CHD1L: variants seen among roughly 807,000 people sequenced by gnomAD.
CHD1L encodes ATP-dependent chromatin remodeler CHD1L.
Under a neutral mutation model 115.9 loss-of-function variants are expected in CHD1L, and 118 were observed. That is an observed-to-expected ratio of 1.02 (90% CI 0.88 to 1.19). The LOEUF (loss-of-function observed/expected upper bound fraction) is 1.19, where lower values mean the gene tolerates loss of function less well. CHD1L is among the 50% of genes most tolerant of loss of function. The probability of loss-of-function intolerance (pLI) is 0.00; values close to 1 mark genes in which losing one functional copy is unlikely to be tolerated. For missense variants in CHD1L, 1,179 were observed against 1,065.3 expected, an observed-to-expected ratio of 1.11 and a Z score of -1.49; for synonymous variants, 411 against 387.1, an observed-to-expected ratio of 1.06 and a Z score of -0.72.
intron 1 of CHD1L, among the ~76,000 whole-genome samples, chr1:147,245,722 C>T (rs1309832916): frequency 6.8e-6 from 1 of 147,532 alleles, no homozygotes; most frequent in Non-Finnish European, 1.5e-5. Flanking sequence ...GATAAGGTCT[C>T]ACTCTGTTGC....
intron 12 of CHD1L, 25 bp from the exon 13 acceptor site, chr1:147,275,329 A>T: frequency 6.5e-7 from 1 of 1,548,622 alleles, no homozygotes; most frequent in Non-Finnish European, 8.9e-7. Flanking sequence ...GCTGCTGATT[A>T]CATTCCTTTT....
chr1:147,201,176 G>A, the CHD1L span: 176 of 1,613,268 alleles, frequency 1.1e-4, 4 homozygotes, highest in East Asian at 9.4e-4. Context: ...GTGGCCCAGC[G>A]TCCTTGGAGC....
the CHD1L span, chr1:147,224,109 G>A: frequency 1.4e-5 from 5 of 356,050 alleles, no homozygotes; most frequent in Non-Finnish European, 2.2e-5. Flanking sequence ...ATTATCAAGG[G>A]TGAGGTAAGA....
intron 6 of CHD1L, among the ~76,000 whole-genome samples, chr1:147,263,872 A>G (rs1406433412): frequency 2.0e-5 from 3 of 152,068 alleles, no homozygotes; most frequent in Non-Finnish European, 4.4e-5. Context: ...TTTTCCATTT[A>G]AGATTCTCTG....
chr1:147,279,518 A>G (rs2102811281), intron 14 of CHD1L, among the ~76,000 whole-genome samples: 1 of 152,316 alleles, frequency 6.6e-6, no homozygotes, highest in Admixed American at 6.5e-5. Context: ...GATCTTTGCC[A>G]AGGTGGTTTC....
the CHD1L span, chr1:147,178,962 A>G: frequency 6.2e-7 from 1 of 1,612,486 alleles, no homozygotes; most frequent in African/African-American, 1.3e-5. Context: ...GAAACAGGGT[A>G]ATGATGGTGG....
intron 20 of CHD1L, among the ~76,000 whole-genome samples, chr1:147,292,804 T>C (rs1686051860): frequency 6.6e-6 from 1 of 152,104 alleles, no homozygotes; most frequent in African/African-American, 2.4e-5. Context: ...TCACCAAGGG[T>C]ATGGCATTAA....
At chr1:147,259,655 C>T in intron 5 of CHD1L, 182 bp from the exon 6 acceptor site, 7 of 519,276 alleles carry the variant, frequency 1.3e-5, no homozygotes, top group East Asian at 5.9e-5. Context: ...GTTTTACTAC[C>T]TTATCCAGAT....
the CHD1L span, chr1:147,225,287 C>T: frequency 2.1e-5 from 18 of 849,940 alleles, no homozygotes; most frequent in Middle Eastern, 4.0e-4. Flanking sequence ...CGGATCTCAC[C>T]GCCTTTCCTG....
intron 22 of CHD1L, among the ~76,000 whole-genome samples, chr1:147,294,978 G>A (rs1228560039): frequency 6.6e-6 from 1 of 152,172 alleles, no homozygotes; most frequent in Non-Finnish European, 1.5e-5. Context: ...TTTTAACCAT[G>A]AAGTCATGAT....
the CHD1L span, among the ~76,000 whole-genome samples, chr1:147,183,262 G>A: frequency 7.9e-5 from 12 of 152,318 alleles, no homozygotes; most frequent in African/African-American, 2.6e-4. Flanking sequence ...GAACATGCTT[G>A]TCCTGCAGAC....
rs1678434053 is a variant in CHD1L at position 147,276,272 on chromosome 1, A to G, written c.1539+15A>G. 6.2e-7 allele frequency: 1 copy of G among 1,613,724 alleles called. No homozygotes were observed. Among genetic ancestry groups the G allele is most frequent in the East Asian group, 2.2e-5 (1 of 44,878 alleles). On this transcript the variant is annotated intron_variant, in intron 14 of 22. Coordinates refer to ENST00000369258, the MANE Select transcript of CHD1L (RefSeq NM_004284.6). Reference sequence around the variant, plus strand: ...CTGACCTCCAGGTATGATATGATATACTGTTCTTCACTTTGGAATATACCA... The same window carrying G: ...CTGACCTCCAGGTATGATATGATATGCTGTTCTTCACTTTGGAATATACCA...
chr1:147,290,363 A>G (rs1553969289), intron 19 of CHD1L, among the ~76,000 whole-genome samples: 1 of 152,142 alleles, frequency 6.6e-6, no homozygotes, highest in Non-Finnish European at 1.5e-5. Context: ...AGGATTACAC[A>G]CATAAGCCAC....
the CHD1L span, chr1:147,186,264 A>G: frequency 1.1e-6 from 1 of 951,734 alleles, no homozygotes; most frequent in Non-Finnish European, 1.3e-6. Context: ...TAGAAAGTTG[A>G]AAGTAATTTC....
At chr1:147,193,459 T>C in the CHD1L span, among the ~76,000 whole-genome samples, 1 of 152,174 alleles carries the variant, frequency 6.6e-6, no homozygotes, top group Non-Finnish European at 1.5e-5. Context: ...AAAAACCAGC[T>C]CCTGGATTCA....
At position 147,254,877 on chromosome 1, in the gene CHD1L, C is replaced by T; in HGVS notation, c.248C>T (p.Ala83Val). Reference protein sequence around the residue: ...MGLGKTCQTIALFIYLAGRLN... With the variant: ...MGLGKTCQTIVLFIYLAGRLN... ...TCTTTTTCTGTGTTCCAGACTATTG[C>T]TCTCTTCATTTATTTGGCAGGAAGA... The change falls in exon 3 of 23, where the codon GCT becomes GTT. Residue 83 changes from alanine to valine, a missense_variant. Ala to Val is a moderately conservative substitution (Grantham distance 64, BLOSUM62 0). Transcript: ENST00000369258. The T allele has an allele frequency of 6.2e-7, 1 of 1,600,396 alleles. No homozygotes were observed.
the CHD1L span, among the ~76,000 whole-genome samples, chr1:147,182,715 G>A: frequency 3.3e-5 from 5 of 152,126 alleles, no homozygotes; most frequent in Non-Finnish European, 7.3e-5. Flanking sequence ...TTATGGGTGC[G>A]TCAAAGGAGC....
chr1:147,188,721 T>C, the CHD1L span, among the ~76,000 whole-genome samples: 14 of 148,444 alleles, frequency 9.4e-5, no homozygotes, highest in African/African-American at 3.5e-4. Flanking sequence ...AGAACTTAAA[T>C]ATAAAATAAA....
chr1:147,278,530 T>TTG (rs1679551337), intron 14 of CHD1L, among the ~76,000 whole-genome samples: 11 of 151,132 alleles, frequency 7.3e-5, no homozygotes, highest in Admixed American at 3.3e-4. Context: ...GGGGTATTTT[T>TTG]TTTTTTTTAA....
Sources: allele counts gnomAD v4.1 joint callset (sites outside exome capture counted in the v4.1 genomes callset), GRCh38; gene constraint gnomAD v4.1.1; transcripts MANE v1.5; gene names NCBI Gene and HGNC (gene_info 2026-07-23, HGNC 2026-07-21).